The following UNC13C variants were observed in gnomAD, a reference collection of about 807,000 sequenced individuals.
UNC13C encodes protein unc-13 homolog C.
Under a neutral mutation model 245.4 loss-of-function variants are expected in UNC13C, and 174 were observed. The observed-to-expected ratio is 0.71, with a 90% CI of 0.63 to 0.80. UNC13C has a LOEUF of 0.80. UNC13C is among the 30% of genes least tolerant of loss of function. The pLI, the probability that UNC13C is intolerant of heterozygous loss-of-function variation, is 0.00. For missense variants in UNC13C, 2,829 were observed against 2,602.9 expected, an observed-to-expected ratio of 1.09 and a Z score of -1.89; for synonymous variants, 992 against 895.1, an observed-to-expected ratio of 1.11 and a Z score of -1.93.
chr15:54,310,335 G>A (rs532036652), intron 13 of UNC13C, among the ~76,000 whole-genome samples: 3 of 151,834 alleles, frequency 2.0e-5, no homozygotes, highest in African/African-American at 7.3e-5. Flanking sequence ...ACTCAGAGGC[G>A]GACATCTTGC....
At chr15:54,053,168 C>G (rs538848783) in intron 2 of UNC13C, among the ~76,000 whole-genome samples, 1 of 148,826 alleles carries the variant, frequency 6.7e-6, no homozygotes, top group South Asian at 2.1e-4. Flanking sequence ...GTGTGCGCCA[C>G]CACACCTGGC....
chr15:54,329,031 A>G (rs1366797041), intron 14 of UNC13C, among the ~76,000 whole-genome samples: 2 of 150,410 alleles, frequency 1.3e-5, no homozygotes, highest in African/African-American at 4.9e-5. Flanking sequence ...CCCTTTGTAG[A>G]TAGTTTGCCA....
At chr15:54,429,786 A>G (rs1203521632) in intron 19 of UNC13C, among the ~76,000 whole-genome samples, 1 of 151,614 alleles carries the variant, frequency 6.6e-6, no homozygotes, top group East Asian at 1.9e-4. Context: ...CTATTCCTTT[A>G]ATTTATTTCT....
chr15:54,483,852 C>T (rs970996379), intron 19 of UNC13C, among the ~76,000 whole-genome samples: 2 of 152,266 alleles, frequency 1.3e-5, no homozygotes, highest in Non-Finnish European at 1.5e-5. Flanking sequence ...ATGCAAAATG[C>T]CACTGGCATT....
chr15:54,168,816 A>T (rs2141280048), intron 4 of UNC13C, among the ~76,000 whole-genome samples: 1 of 152,358 alleles, frequency 6.6e-6, no homozygotes, highest in East Asian at 1.9e-4. Context: ...CATGCATATG[A>T]TACATTTTTA....
intron 30 of UNC13C, among the ~76,000 whole-genome samples, chr15:54,609,860 G>A (rs942161877): frequency 5.9e-5 from 9 of 152,130 alleles, no homozygotes; most frequent in African/African-American, 1.9e-4. Flanking sequence ...TGGCAGAAAG[G>A]GAAGAAAACG....
intron 2 of UNC13C, among the ~76,000 whole-genome samples, chr15:54,113,932 A>G (rs2030019425): frequency 6.6e-6 from 1 of 152,192 alleles, no homozygotes; most frequent in Non-Finnish European, 1.5e-5. Flanking sequence ...TGGCTCCTAT[A>G]AAGGTTATCT....
Position 53,993,131 on chromosome 15 carries a change from A to G in UNC13C, c.-257+14204A>G, listed in dbSNP as rs149975103. Among the ~76,000 whole-genome samples the G allele has an allele frequency of 2.2e-4, 33 of 152,108 alleles. No individual in the cohort carries two copies. The South Asian group carries it at 4.4e-3, about 20-fold the overall frequency. Reference sequence around the variant, plus strand: ...CTTCCTCAGTGCTTCCTTGCTATCAATTTTCTTAGGTCAGATTCCCAGGGA... The same window carrying G: ...CTTCCTCAGTGCTTCCTTGCTATCAGTTTTCTTAGGTCAGATTCCCAGGGA... On this transcript the variant is annotated intron_variant, in intron 1 of 32. Coordinates refer to ENST00000260323, the MANE Select transcript of UNC13C (RefSeq NM_001080534.3).
chr15:54,151,609 G>T (rs2032519796), intron 4 of UNC13C, among the ~76,000 whole-genome samples: 1 of 152,082 alleles, frequency 6.6e-6, no homozygotes, highest in Non-Finnish European at 1.5e-5. Context: ...TCACCAAGTT[G>T]CCCAGGGTGG....
intron 10 of UNC13C, among the ~76,000 whole-genome samples, chr15:54,280,452 T>C (rs953964224): frequency 6.6e-6 from 1 of 151,384 alleles, no homozygotes; most frequent in African/African-American, 2.4e-5. Context: ...ATAATAACTT[T>C]CTATTAAAAT....
chr15:54,516,481 C>A (rs75190348), intron 24 of UNC13C, among the ~76,000 whole-genome samples: 1,922 of 152,194 alleles, frequency 0.013, 47 homozygotes, highest in African/African-American at 0.044. Flanking sequence ...GGGGACCATG[C>A]ATTGAGAATT....
chr15:54,557,930 T>G (rs535742256), intron 29 of UNC13C, among the ~76,000 whole-genome samples: 14 of 152,070 alleles, frequency 9.2e-5, no homozygotes, highest in Non-Finnish European at 2.1e-4. Context: ...CCATAAAAAA[T>G]GATGAGTTCA....
intron 30 of UNC13C, among the ~76,000 whole-genome samples, chr15:54,589,220 C>T (rs533173560): frequency 2.6e-4 from 38 of 143,654 alleles, no homozygotes; most frequent in African/African-American, 8.7e-4. Context: ...ATTTGCATTT[C>T]GTTGATCATT....
At chr15:53,941,379 G>A in the UNC13C span, among the ~76,000 whole-genome samples, 1 of 152,122 alleles carries the variant, frequency 6.6e-6, no homozygotes, top group Non-Finnish European at 1.5e-5. Context: ...TCTGGACATA[G>A]GCATGGGTAA....
the UNC13C span, among the ~76,000 whole-genome samples, chr15:53,944,322 C>T: frequency 2.6e-5 from 4 of 152,000 alleles, no homozygotes; most frequent in South Asian, 2.1e-4. Context: ...AATCATTTCA[C>T]GGGAGTTTGT....
intron 19 of UNC13C, among the ~76,000 whole-genome samples, chr15:54,475,068 C>A (rs550177464): frequency 4.3e-4 from 65 of 152,068 alleles, no homozygotes; most frequent in African/African-American, 1.6e-3. Flanking sequence ...CAAATTTCAA[C>A]ACAAGATTTG....
chr15:53,959,618 G>A, the UNC13C span, among the ~76,000 whole-genome samples: 1 of 151,956 alleles, frequency 6.6e-6, no homozygotes, highest in African/African-American at 2.4e-5. Context: ...TGGTTTTCAG[G>A]GCTCAAAGAC....
At chr15:54,315,209 G>T (rs897050376) in intron 13 of UNC13C, among the ~76,000 whole-genome samples, 2 of 151,674 alleles carry the variant, frequency 1.3e-5, no homozygotes, top group African/African-American at 2.4e-5. Context: ...TACCAATCAA[G>T]GTTTGGCCTT....
chr15:54,205,064 C>A (rs2034664654), intron 4 of UNC13C, among the ~76,000 whole-genome samples: 2 of 151,942 alleles, frequency 1.3e-5, no homozygotes, highest in Non-Finnish European at 2.9e-5. Context: ...CTAATCCTGA[C>A]TGATAATCAG....
Sources: allele counts gnomAD v4.1 joint callset (sites outside exome capture counted in the v4.1 genomes callset), GRCh38; gene constraint gnomAD v4.1.1; transcripts MANE v1.5; gene names NCBI Gene and HGNC (gene_info 2026-07-23, HGNC 2026-07-21).